Variants in EMID1 observed in about 807,000 individuals in gnomAD.
The protein encoded by EMID1 is EMI domain containing 1.
EMID1 carries 40 observed loss-of-function variants against 60.6 expected under a neutral mutation model. That is an observed-to-expected ratio of 0.66 (90% CI 0.51 to 0.86). The LOEUF is 0.86. Ranked by LOEUF, EMID1 falls within the 40% of genes least tolerant of loss-of-function variation. EMID1 has a pLI of 0.00. For missense variants in EMID1, 585 were observed against 597.1 expected (o/e 0.98, Z 0.21); for synonymous variants, 242 against 231.0 (o/e 1.05, Z -0.43).
chr22:29,229,027 ACTTCC>A (rs2040631607), intron 5 of EMID1, among the ~76,000 whole-genome samples: 2 of 152,198 alleles, frequency 1.3e-5, no homozygotes, highest in South Asian at 2.1e-4. Context: ...CATTTACAAT[ACTTCC>A]CTTCCCTAAT....
chr22:29,245,668 C>T (rs1452409910), intron 13 of EMID1, among the ~76,000 whole-genome samples: 1 of 152,208 alleles, frequency 6.6e-6, no homozygotes, highest in East Asian at 1.9e-4. Context: ...CCAACCAACT[C>T]CCTTAGTGCA....
intron 12 of EMID1, among the ~76,000 whole-genome samples, chr22:29,238,673 C>T (rs977752940): frequency 1.4e-5 from 2 of 143,050 alleles, no homozygotes; most frequent in Non-Finnish European, 3.0e-5. Context: ...CCCGCCTCGG[C>T]CTCCCAAAGT....
rs769874146 is a variant in EMID1, at chr22:29,231,079, C to T, written c.525C>T (p.Asp175=). The change falls in exon 6 of 15, where the codon GAC becomes GAT. Residue 175 remains aspartate (D), a synonymous_variant. Transcript: ENST00000334018. The part of the protein sequence containing the change: ...PVPPTPATPE[D]PAPLWGPPPA... ...CTCCAACACCAGCTACCCCTGAGGA[C>T]CCTGCCCCGCTCTGGGGTCCCCCTC... The T allele has an allele frequency of 6.2e-7, 1 of 1,613,972 alleles. No individual in the cohort carries two copies. The highest frequency in any genetic ancestry group is 1.7e-5 in the Admixed American group (1 of 59,994).
intron 3 of EMID1, among the ~76,000 whole-genome samples, chr22:29,217,845 G>A (rs2040142666): frequency 6.6e-6 from 1 of 152,156 alleles, no homozygotes; most frequent in African/African-American, 2.4e-5. Context: ...GTTTCAGGCT[G>A]GGCTCCCAAG....
intron 3 of EMID1, among the ~76,000 whole-genome samples, chr22:29,223,015 C>T (rs1333417682): frequency 1.3e-5 from 2 of 152,112 alleles, no homozygotes; most frequent in Non-Finnish European, 2.9e-5. Flanking sequence ...CGCTTGAACC[C>T]AGGAGGCGGA....
intron 5 of EMID1, 107 bp from the exon 6 acceptor site, chr22:29,230,913 C>T: frequency 7.0e-7 from 1 of 1,438,632 alleles, no homozygotes. Flanking sequence ...CGTCATAGTA[C>T]TACTGCATTC....
chr22:29,237,415 A>G (rs2040993286), intron 12 of EMID1, among the ~76,000 whole-genome samples: 1 of 143,530 alleles, frequency 7.0e-6, no homozygotes, highest in African/African-American at 2.8e-5. Flanking sequence ...TCCTGACCTC[A>G]GGTGATCCAC....
chr22:29,234,286 T>C lies in EMID1; in HGVS notation c.1030-19T>C, dbSNP rs2040863143. On this transcript the variant is annotated intron_variant, in intron 11 of 14. Coordinates refer to ENST00000334018, the MANE Select transcript of EMID1 (RefSeq NM_133455.4). The stretch of plus-strand genomic sequence containing the variant: ...AGTCCTCAACAGCTGACGCCATTCG[T>C]CTCCTCCCTCTTACACAGGGACTGC... The C allele has an allele frequency of 6.2e-7, 1 of 1,613,624 alleles. No individual in the cohort carries two copies.
intron 1 of EMID1, among the ~76,000 whole-genome samples, chr22:29,213,212 G>T (rs917552445): frequency 1.3e-5 from 2 of 152,164 alleles, no homozygotes; most frequent in African/African-American, 4.8e-5. Flanking sequence ...AGGTCAGCAC[G>T]CAGAGACCTC....
At position 29,226,672 on chromosome 22, in the gene EMID1, A is replaced by G. The variant is rs909509147; in HGVS notation, c.465+121A>G. 4.4e-5 allele frequency: 44 copies of G among 994,892 alleles called. 1 individual carries two copies. Among genetic ancestry groups the G allele is most frequent in the Non-Finnish European group, 4.3e-6 (3 of 705,336 alleles). The allele number at this position is 994,892 out of a possible 1,614,324, so 61.6% of individuals were successfully genotyped here. On this transcript the variant is annotated intron_variant, in intron 5 of 14. Coordinates refer to ENST00000334018, the MANE Select transcript of EMID1 (RefSeq NM_133455.4). ...ATGCTCGCACCCTCAGTGAACCCAC[A>G]GGGCAGCTCTGAACTGACTCGGCGA...
intron 5 of EMID1, among the ~76,000 whole-genome samples, chr22:29,230,170 T>G (rs969629159): frequency 6.6e-6 from 1 of 151,924 alleles, no homozygotes; most frequent in African/African-American, 2.4e-5. Context: ...CCATCTCTAC[T>G]AAAAATACAA....
chr22:29,225,308 T>G (rs2040463182), intron 4 of EMID1, 92 bp downstream of exon 4: 17 of 1,333,836 alleles, frequency 1.3e-5, no homozygotes, highest in Non-Finnish European at 1.7e-5. Context: ...TAAAAGCCAG[T>G]AGGTCTGGCA....
At chr22:29,255,202 C>CCCCAT in intron 14 of EMID1, 1 of 734,564 alleles carries the variant, frequency 1.4e-6, no homozygotes, top group Non-Finnish European at 2.1e-6. Flanking sequence ...CCACCCTCCC[C>CCCCAT]GCTTGGCTCC....
intron 1 of EMID1, among the ~76,000 whole-genome samples, chr22:29,212,143 G>A (rs1226162544): frequency 1.6e-4 from 24 of 151,798 alleles, no homozygotes; most frequent in African/African-American, 5.3e-4. Flanking sequence ...ACACCACCAC[G>A]CCCAGCTAAT....
intron 3 of EMID1, among the ~76,000 whole-genome samples, chr22:29,223,443 C>T (rs1238620124): frequency 6.6e-6 from 1 of 152,242 alleles, no homozygotes; most frequent in Non-Finnish European, 1.5e-5. Context: ...AATGACATCA[C>T]ATCTCCACCT....
At chr22:29,256,207 T>C (rs1349068787) in intron 14 of EMID1, among the ~76,000 whole-genome samples, 1 of 152,066 alleles carries the variant, frequency 6.6e-6, no homozygotes, top group Non-Finnish European at 1.5e-5. Flanking sequence ...TCATGTTAGC[T>C]CACACCTGTA....
At chr22:29,227,723 A>AC in intron 5 of EMID1, among the ~76,000 whole-genome samples, 1 of 144,132 alleles carries the variant, frequency 6.9e-6, no homozygotes, top group African/African-American at 2.6e-5. Context: ...AAAAAAAAAA[A>AC]AAAACAAATT....
chr22:29,255,240 G>C (rs755792689), intron 14 of EMID1: 2 of 1,088,478 alleles, frequency 1.8e-6, no homozygotes, highest in Non-Finnish European at 1.2e-6. Context: ...GGCCAGACTC[G>C]CACCGTCTGC....
chr22:29,254,265 G>A lies in EMID1; in HGVS notation c.1182G>A (p.Leu394=). The change falls in exon 14 of 15, where the codon TTG becomes TTA. Residue 394 remains leucine, a synonymous_variant. Coordinates refer to ENST00000334018, the MANE Select transcript of EMID1 (RefSeq NM_133455.4). ...LKILAERVLI[L]ETMIGLYEPE... ...TTTTAGCTGAGAGGGTTTTAATCTTGGAAACAATGATTGGGCTCTATGGTG... is the reference window on the plus strand; with the variant it reads ...TTTTAGCTGAGAGGGTTTTAATCTTAGAAACAATGATTGGGCTCTATGGTG... 6.8e-6 allele frequency: 11 copies of A among 1,614,122 alleles called. No individual in the cohort carries two copies. Among genetic ancestry groups the A allele is most frequent in the Non-Finnish European group, 9.3e-6 (11 of 1,179,970 alleles).
Sources: gnomAD v4.1 joint callset for allele counts (sites outside exome capture counted in the v4.1 genomes callset) on GRCh38, gnomAD v4.1.1 for gene constraint, MANE v1.5 for transcripts, NCBI Gene and HGNC (gene_info 2026-07-23, HGNC 2026-07-21) for gene names.